Variants in PRKD1 observed in about 807,000 individuals in gnomAD.
PRKD1 encodes the protein protein kinase D1.
A neutral mutation model predicts 95.9 loss-of-function variants in PRKD1; 63 were observed. The observed-to-expected ratio is 0.66, with a 90% CI of 0.54 to 0.81. PRKD1 has a LOEUF of 0.81. Ranked by LOEUF, PRKD1 falls within the 30% of genes least tolerant of loss-of-function variation. The pLI is 0.00. For synonymous variants in PRKD1, 425 were observed against 423.1 expected (o/e 1.00, Z -0.05); for missense variants, 1,048 against 1,165.3 (o/e 0.90, Z 1.47).
chr14:29,657,952 A>G (rs1881983018), intron 4 of PRKD1: 1 of 152,158 alleles, frequency 6.6e-6, no homozygotes, highest in Non-Finnish European at 1.5e-5. Flanking sequence ...TGCAGAGCTC[A>G]AGGGCAACAA....
intron 6 of PRKD1, chr14:29,638,277 C>T (rs1880512541): frequency 1.8e-6 from 1 of 549,768 alleles, no homozygotes; most frequent in Admixed American, 3.4e-5. Flanking sequence ...AGCTGCTCAC[C>T]ATGTAAAGAT....
At chr14:29,729,820 T>C (rs1229324038) in intron 1 of PRKD1, among the ~76,000 whole-genome samples, 2 of 152,034 alleles carry the variant, frequency 1.3e-5, no homozygotes, top group East Asian at 3.8e-4. Flanking sequence ...TCACAAATTT[T>C]GAAAAAGCTG....
chr14:29,695,685 T>C (rs10137709), intron 2 of PRKD1, among the ~76,000 whole-genome samples: 66,637 of 151,958 alleles, frequency 0.44, 15,228 homozygotes, highest in African/African-American at 0.56. Flanking sequence ...AGTGGAGATG[T>C]TGAGTTAGAG....
At chr14:29,913,622 A>G (rs1031874700) in intron 1 of PRKD1, among the ~76,000 whole-genome samples, 18 of 152,168 alleles carry the variant, frequency 1.2e-4, no homozygotes, top group African/African-American at 4.1e-4. Flanking sequence ...GTTTATGTAA[A>G]TATTGTTAAG....
intron 16 of PRKD1, among the ~76,000 whole-genome samples, chr14:29,588,084 A>G (rs1452403179): frequency 6.6e-6 from 1 of 152,190 alleles, no homozygotes; most frequent in Non-Finnish European, 1.5e-5. Context: ...CTGGATCTGC[A>G]AGGCTCATAA....
Position 29,640,966 on chromosome 14 carries a change from T to G in PRKD1, c.697-2062A>C, listed in dbSNP as rs2139144211. On this transcript the variant is annotated intron_variant, in intron 4 of 17. Transcript: ENST00000331968. Reference sequence around the variant, plus strand: ...AAAAGCAAGAGGGAATCTAGTAAACTGAATATTTTCTTTTCATCCAACACA... The same window carrying G: ...AAAAGCAAGAGGGAATCTAGTAAACGGAATATTTTCTTTTCATCCAACACA... Among the ~76,000 whole-genome samples, 2 of 152,348 alleles carry G rather than the reference T, an allele frequency of 1.3e-5. 1 individual carries two copies. The highest frequency in any genetic ancestry group is 3.8e-4 in the East Asian group (2 of 5,196).
At chr14:29,785,498 T>C (rs1220601287) in intron 1 of PRKD1, among the ~76,000 whole-genome samples, 1 of 152,146 alleles carries the variant, frequency 6.6e-6, no homozygotes, top group African/African-American at 2.4e-5. Context: ...TAAGATCACG[T>C]CATCTGCAAA....
chr14:29,738,050 G>A (rs1482517791), intron 1 of PRKD1, among the ~76,000 whole-genome samples: 1 of 152,116 alleles, frequency 6.6e-6, no homozygotes. Context: ...TAACACTAGA[G>A]TTCCATTTAG....
At chr14:29,717,139 C>T (rs1029428300) in intron 2 of PRKD1, among the ~76,000 whole-genome samples, 3 of 152,090 alleles carry the variant, frequency 2.0e-5, no homozygotes, top group Admixed American at 6.6e-5. Context: ...CATGTATTTG[C>T]TGGCTTGTAC....
chr14:29,911,625 G>A (rs1413155209), intron 1 of PRKD1, among the ~76,000 whole-genome samples: 1 of 152,138 alleles, frequency 6.6e-6, no homozygotes, highest in Non-Finnish European at 1.5e-5. Flanking sequence ...ATTTAACTCT[G>A]AGTAGTATGA....
intron 1 of PRKD1, among the ~76,000 whole-genome samples, chr14:29,884,287 C>T (rs1333204820): frequency 6.6e-6 from 1 of 151,966 alleles, no homozygotes; most frequent in African/African-American, 2.4e-5. Flanking sequence ...ATAACAATAC[C>T]TCAAATTGAA....
intron 13 of PRKD1, among the ~76,000 whole-genome samples, chr14:29,609,526 A>C (rs1878287567): frequency 6.7e-6 from 1 of 148,802 alleles, no homozygotes; most frequent in African/African-American, 2.5e-5. Flanking sequence ...ACACACACAC[A>C]CACACACACA....
At chr14:29,830,537 A>G (rs964693861) in intron 1 of PRKD1, among the ~76,000 whole-genome samples, 1 of 152,186 alleles carries the variant, frequency 6.6e-6, no homozygotes, top group Non-Finnish European at 1.5e-5. Context: ...GTATTTAACC[A>G]TAACAATCAG....
chr14:29,758,845 C>T (rs1029796059), intron 1 of PRKD1, among the ~76,000 whole-genome samples: 3 of 152,144 alleles, frequency 2.0e-5, no homozygotes, highest in Admixed American at 6.5e-5. Flanking sequence ...AATTTTGGAG[C>T]CTCAGTCTAT....
intron 2 of PRKD1, among the ~76,000 whole-genome samples, chr14:29,690,516 A>G (rs1440060021): frequency 1.3e-5 from 2 of 151,976 alleles, no homozygotes; most frequent in Non-Finnish European, 2.9e-5. Context: ...CTTTTCTCCA[A>G]CTCTGCTTCT....
chr14:29,582,129 G>A lies in PRKD1; in HGVS notation c.2435-3769C>T, dbSNP rs1892775486. On this transcript the variant is annotated intron_variant, in intron 16 of 17. Transcript: ENST00000331968. ...CTTAAAAAAAAGTGCAGTTATTCTG[G>A]AATAATACATTTTAAGTAAATTAAC... Among the ~76,000 whole-genome samples, 3 of 151,968 alleles carry A rather than the reference G, an allele frequency of 2.0e-5. No homozygotes were observed. In the South Asian group the frequency reaches 6.2e-4, roughly 32 times the overall value.
rs1211794136 is a variant in PRKD1 at position 29,826,692 on chromosome 14, TATATATACATATATACAC to T, written c.264+100539_264+100556del. On this transcript the variant is annotated intron_variant, in intron 1 of 17. Transcript: ENST00000331968. ...ATATGTGTATATATATATACACACATATATATACATATATACACATATATATATACATATATATACACA... is the reference window on the plus strand; with the variant it reads ...ATATGTGTATATATATATACACACATATATATATATACATATATATACACA... Among the ~76,000 whole-genome samples, 94 of 44,516 alleles carry T rather than the reference TATATATACATATATACAC, an allele frequency of 2.1e-3. 11 individuals carry two copies. In the Admixed American group the frequency reaches 0.027, roughly 13 times the overall value. 29.2% of individuals were successfully genotyped at this position (44,516 alleles called of 152,430 possible).
At chr14:29,901,488 T>C (rs1193622176) in intron 1 of PRKD1, among the ~76,000 whole-genome samples, 1 of 152,196 alleles carries the variant, frequency 6.6e-6, no homozygotes, top group East Asian at 1.9e-4. Flanking sequence ...TAATCTACTA[T>C]TACTTTATCA....
chr14:29,697,068 T>C (rs1389948710), intron 2 of PRKD1, among the ~76,000 whole-genome samples: 1 of 151,900 alleles, frequency 6.6e-6, no homozygotes, highest in Non-Finnish European at 1.5e-5. Context: ...TCCCTGATTT[T>C]CTAGAAAAAG....
Sources: allele counts gnomAD v4.1 joint callset (sites outside exome capture counted in the v4.1 genomes callset), GRCh38; gene constraint gnomAD v4.1.1; transcripts MANE v1.5; gene names NCBI Gene and HGNC (gene_info 2026-07-23, HGNC 2026-07-21).